LIPC: variants seen among roughly 807,000 people sequenced by gnomAD.
LIPC encodes lipase C, hepatic type, also known as hepatic triacylglycerol lipase.
In LIPC, 44 loss-of-function variants were observed where a neutral mutation model predicts 50.7. That is an observed-to-expected ratio of 0.87 (90% CI 0.68 to 1.11). The LOEUF (loss-of-function observed/expected upper bound fraction) is 1.11, where lower values mean the gene tolerates loss of function less well. Among genes scored for constraint, LIPC ranks in the 50% most tolerant of loss-of-function variants. LIPC has a pLI of 0.00. For missense variants in LIPC, 697 were observed against 648.2 expected, an observed-to-expected ratio of 1.08 and a Z score of -0.82; for synonymous variants, 271 against 256.4, an observed-to-expected ratio of 1.06 and a Z score of -0.54.
At chr15:58,470,214 G>A (rs562553601) in intron 1 of LIPC, among the ~76,000 whole-genome samples, 1 of 152,260 alleles carries the variant, frequency 6.6e-6, no homozygotes, top group South Asian at 2.1e-4. Context: ...TTACAGGCAT[G>A]AGTCACCGCA....
intron 1 of LIPC, among the ~76,000 whole-genome samples, chr15:58,506,203 C>T (rs1892143743): frequency 6.6e-6 from 1 of 152,160 alleles, no homozygotes; most frequent in Non-Finnish European, 1.5e-5. Context: ...CTCCTTAGCC[C>T]AGGAGGGGAG....
chr15:58,456,093 G>A (rs1450653398), intron 1 of LIPC: 2 of 152,230 alleles, frequency 1.3e-5, no homozygotes, highest in Non-Finnish European at 2.9e-5. Flanking sequence ...AATGACAAAT[G>A]AAGAATGGCT....
chr15:58,565,099 A>AACCGCACTCTGAGATTTT (rs1469079778), intron 8 of LIPC: 4 of 1,197,850 alleles, frequency 3.3e-6, no homozygotes, highest in Non-Finnish European at 4.7e-6. Flanking sequence ...CCCTTTATAC[A>AACCGCACTCTGAGATTTT]ACCGCACTCT....
At chr15:58,451,112 G>A (rs1052949018) in intron 1 of LIPC, among the ~76,000 whole-genome samples, 9 of 152,116 alleles carry the variant, frequency 5.9e-5, no homozygotes, top group Admixed American at 2.0e-4. Flanking sequence ...CAATCGGTTG[G>A]GATTCATTAC....
chr15:58,525,287 G>A (rs1024249106), intron 1 of LIPC, among the ~76,000 whole-genome samples: 1 of 152,194 alleles, frequency 6.6e-6, no homozygotes, highest in African/African-American at 2.4e-5. Flanking sequence ...AGTGTTCTGG[G>A]TTTCTATTCT....
chr15:58,565,423 G>A (rs1260533321), intron 8 of LIPC: 3 of 1,440,328 alleles, frequency 2.1e-6, no homozygotes, highest in African/African-American at 2.8e-5. Context: ...GCACACCCAT[G>A]TGGTACGGAA....
intron 1 of LIPC, among the ~76,000 whole-genome samples, chr15:58,516,524 C>A (rs561618510): frequency 3.3e-5 from 5 of 152,066 alleles, no homozygotes; most frequent in Non-Finnish European, 7.4e-5. Context: ...TATTTTCAGC[C>A]TTTATTCTCT....
chr15:58,566,112 T>G (rs1894357339), intron 8 of LIPC: 1 of 973,238 alleles, frequency 1.0e-6, no homozygotes, highest in Non-Finnish European at 1.2e-6. Context: ...GAGCCTGATG[T>G]TCTGCATTTC....
rs184341213 is a variant in LIPC, at chr15:58,466,461, C to A, written c.88+34341C>A. Among the ~76,000 whole-genome samples the A allele has an allele frequency of 1.2e-4, 19 of 152,324 alleles. No homozygotes were observed. The East Asian group carries it at 3.7e-3, about 29-fold the overall frequency. On this transcript the variant is annotated intron_variant, in intron 1 of 8. Coordinates refer to ENST00000299022, the MANE Select transcript of LIPC (RefSeq NM_000236.3). The stretch of plus-strand genomic sequence containing the variant: ...TTAGCTCTCTGGGCCTGAGTTTTCT[C>A]ATCTTATAAAATTAAATCCATCAAT...
rs1312410473 is a variant in LIPC at position 58,434,958 on chromosome 15, T to G, written c.88+2838T>G. 7 of 152,204 alleles carry G rather than the reference T, an allele frequency of 4.6e-5. No homozygotes were observed. In the East Asian group the frequency reaches 1.3e-3, roughly 29 times the overall value. The allele number at this position is 152,204 out of a possible 1,614,324, so 9.4% of individuals were successfully genotyped here. A position where few individuals can be genotyped will look rare whatever the true frequency, so the allele number is the denominator to read the frequency against. On this transcript the variant is annotated intron_variant, in intron 1 of 8. Coordinates refer to ENST00000299022, the MANE Select transcript of LIPC (RefSeq NM_000236.3). ...CACCTGCCATACGTAACGCAGTGCC[T>G]GAGTACAACTCACACACTCTGTTCA...
rs1303917914 is a variant in LIPC at position 58,568,753 on chromosome 15, C to T, written c.1426C>T (p.Leu476Phe). ...TTCAGAAAACACAGATGACCTACTA[C>T]TTCGCCCAACCCAGGAAAAAATCTT... ...FCSENTDDLL[L>F]RPTQEKIFVK... is the part of the protein sequence containing the mutation. Residue 476 changes from leucine to phenylalanine, a missense_variant, in exon 9 of 9, where the codon CTT becomes TTT. Leu to Phe is a conservative substitution (Grantham distance 22). Coordinates refer to ENST00000299022, the MANE Select transcript of LIPC (RefSeq NM_000236.3). The T allele has an allele frequency of 5.0e-6, 8 of 1,611,378 alleles. No individual in the cohort carries two copies. The highest frequency in any genetic ancestry group is 6.8e-6 in the Non-Finnish European group (8 of 1,178,000).
At chr15:58,525,814 A>C (rs1429426471) in intron 1 of LIPC, among the ~76,000 whole-genome samples, 2 of 152,198 alleles carry the variant, frequency 1.3e-5, no homozygotes, top group Admixed American at 1.3e-4. Flanking sequence ...TCTGTTACTG[A>C]TCAGGTGCAG....
chr15:58,558,787 G>C (rs1368332939), intron 6 of LIPC, among the ~76,000 whole-genome samples: 1 of 152,182 alleles, frequency 6.6e-6, no homozygotes, highest in African/African-American at 2.4e-5. Context: ...GGGTACTGTA[G>C]TAGGCACCAG....
At chr15:58,485,612 C>T (rs1390251367) in intron 1 of LIPC, among the ~76,000 whole-genome samples, 6 of 152,216 alleles carry the variant, frequency 3.9e-5, no homozygotes, top group South Asian at 2.1e-4. Flanking sequence ...ACACATCACA[C>T]GCTGACACTG....
chr15:58,466,283 A>C (rs1428066922), intron 1 of LIPC, among the ~76,000 whole-genome samples: 2 of 152,210 alleles, frequency 1.3e-5, no homozygotes, highest in African/African-American at 4.8e-5. Flanking sequence ...TGACTCATAG[A>C]GAGTGATTAG....
chr15:58,497,555 T>C (rs1326922558), intron 1 of LIPC, among the ~76,000 whole-genome samples: 3 of 152,084 alleles, frequency 2.0e-5, no homozygotes, highest in African/African-American at 7.2e-5. Flanking sequence ...CATCCTCTCA[T>C]CTTCCTCCCT....
chr15:58,541,274 C>T (rs1003949217), intron 2 of LIPC, among the ~76,000 whole-genome samples: 1 of 152,048 alleles, frequency 6.6e-6, no homozygotes, highest in African/African-American at 2.4e-5. Flanking sequence ...GCTCACAGTG[C>T]CCATCCCGCT....
At chr15:58,503,695 G>A (rs1328478839) in intron 1 of LIPC, among the ~76,000 whole-genome samples, 1 of 152,198 alleles carries the variant, frequency 6.6e-6, no homozygotes, top group African/African-American at 2.4e-5. Flanking sequence ...AAGGCAGAGG[G>A]GATGTGAGTG....
At chr15:58,527,762 T>C (rs1445496210) in intron 1 of LIPC, among the ~76,000 whole-genome samples, 1 of 152,178 alleles carries the variant, frequency 6.6e-6, no homozygotes, top group Non-Finnish European at 1.5e-5. Flanking sequence ...AGGTGCTTAA[T>C]AAATGTGTGG....
Sources: allele counts gnomAD v4.1 joint callset (sites outside exome capture counted in the v4.1 genomes callset), GRCh38; gene constraint gnomAD v4.1.1; transcripts MANE v1.5; gene names NCBI Gene and HGNC (gene_info 2026-07-23, HGNC 2026-07-21).